Variants in CASKIN1 observed in about 807,000 individuals in gnomAD.
CASKIN1 encodes CASK interacting protein 1.
In CASKIN1, 42 loss-of-function variants were observed where a neutral mutation model predicts 117.5. The ratio of observed to expected loss-of-function variants is 0.36; its 90% CI spans 0.28 to 0.46. The LOEUF (loss-of-function observed/expected upper bound fraction) is 0.46, where lower values mean the gene tolerates loss of function less well. Ranked by LOEUF, CASKIN1 falls within the 20% of genes least tolerant of loss-of-function variation. The pLI is 1.00. For missense variants in CASKIN1, 2,083 were observed against 2,077.3 expected (o/e 1.00, Z -0.05); for synonymous variants, 1,148 against 961.7 (o/e 1.19, Z -3.59).
At position 2,186,800 on chromosome 16, in the gene CASKIN1, G is replaced by A. The variant is rs931554454; in HGVS notation, c.955C>T (p.Arg319Trp). The A allele has an allele frequency of 6.2e-7, 1 of 1,612,866 alleles. No individual in the cohort carries two copies. Among genetic ancestry groups the A allele is most frequent in the African/African-American group, 1.3e-5 (1 of 74,928 alleles). Reference protein sequence around the residue: ...ITVLEQHPDGRWKGCIHDNRT... With the variant: ...ITVLEQHPDGWWKGCIHDNRT... ...TTGTCATGGATGCAGCCCTTCCACC[G>A]GCCATCCGGATGCTGCTCGAGGACC... The change falls in exon 10 of 20, where the codon CGG (arginine) becomes TGG (tryptophan). Residue 319 changes from arginine to tryptophan, a missense_variant. Transcript: ENST00000343516.
Position 2,183,891 on chromosome 16 carries a change from G to A in CASKIN1, c.1467C>T (p.Tyr489=), listed in dbSNP as rs200768705. The part of the protein sequence containing the change: ...QWLTAFQLQL[Y]APNFISAGYD... ...AGCCGGCGCTGATGAAGTTGGGGGC[G>A]TAGAGCTGCAGCTGGAACGCGGTGA... The change falls in exon 15 of 20, where the codon TAC becomes TAT. Residue 489 remains tyrosine (Y), a synonymous_variant. Coordinates refer to ENST00000343516, the MANE Select transcript of CASKIN1 (RefSeq NM_020764.4). 81 of 1,611,780 alleles carry A rather than the reference G, an allele frequency of 5.0e-5. No homozygotes were observed. Among genetic ancestry groups the A allele is most frequent in the Middle Eastern group, 3.3e-4 (2 of 6,052 alleles).
intron 1 of CASKIN1, among the ~76,000 whole-genome samples, chr16:2,192,409 T>G (rs1469313042): frequency 6.6e-6 from 1 of 151,912 alleles, no homozygotes; most frequent in Non-Finnish European, 1.5e-5. Flanking sequence ...CAACGGACAG[T>G]GGCTGTGCTA....
Position 2,189,610 on chromosome 16 carries a change from C to G in CASKIN1, c.245-46G>C, listed in dbSNP as rs558745946. ...GGGAGCTGACCCTTGACCCCAAACCCAACCCTGGAGGATAGGGGGGTGCTG... is the reference window on the plus strand; with the variant it reads ...GGGAGCTGACCCTTGACCCCAAACCGAACCCTGGAGGATAGGGGGGTGCTG... On this transcript the variant is annotated intron_variant, in intron 3 of 19. Coordinates refer to ENST00000343516, the MANE Select transcript of CASKIN1 (RefSeq NM_020764.4). The G allele has an allele frequency of 4.4e-5, 68 of 1,550,046 alleles. No individual in the cohort carries two copies. The Admixed American group carries it at 6.1e-4, about 14-fold the overall frequency.
Position 2,187,406 on chromosome 16 carries a change from G to A in CASKIN1, c.673C>T (p.Leu225=), listed in dbSNP as rs1444161699. Residue 225 remains leucine (L), a synonymous_variant, in exon 7 of 20, where the codon CTG becomes TTG. Coordinates refer to ENST00000343516, the MANE Select transcript of CASKIN1 (RefSeq NM_020764.4). ...INRQTKSGTA[L]HEAALCGKTE... is the part of the protein sequence containing the mutation. ...TTTCCGCAGAGCGCAGCCTCGTGCAGGGCCGTGCCGGACTTGGTCTGGCGG... is the reference window on the plus strand; with the variant it reads ...TTTCCGCAGAGCGCAGCCTCGTGCAAGGCCGTGCCGGACTTGGTCTGGCGG... The A allele has an allele frequency of 6.2e-7, 1 of 1,611,188 alleles. No homozygotes were observed. Among genetic ancestry groups the A allele is most frequent in the Non-Finnish European group, 8.5e-7 (1 of 1,179,830 alleles).
chr16:2,190,223 C>T (rs1054276186), intron 2 of CASKIN1, 53 bp from the exon 3 acceptor site: 44 of 1,599,906 alleles, frequency 2.8e-5, no homozygotes, highest in Admixed American at 1.4e-4. Context: ...CCGGCCTTCC[C>T]GGCACCCTGC....
rs575229680 is a variant in CASKIN1 at position 2,184,648 on chromosome 16, G to A, written c.1416+129C>T. On this transcript the variant is annotated intron_variant, in intron 14 of 19. Transcript: ENST00000343516. ...CACACAGACTGACAGACAGAGGAGA[G>A]GGTCTGGCCTGGCAATGCCCCCGAC... 26 of 655,642 alleles carry A rather than the reference G, an allele frequency of 4.0e-5. No individual in the cohort carries two copies. The African/African-American group carries it at 4.6e-4, about 12-fold the overall frequency. 40.6% of individuals were successfully genotyped at this position (655,642 alleles called of 1,614,324 possible). A position where few individuals can be genotyped will look rare whatever the true frequency, so the allele number is the denominator to read the frequency against.
At chr16:2,185,923 G>T (rs559380957) in intron 10 of CASKIN1, among the ~76,000 whole-genome samples, 18 of 152,326 alleles carry the variant, frequency 1.2e-4, no homozygotes, top group Admixed American at 3.9e-4. Flanking sequence ...GCCTGCCTCA[G>T]CGCCTTTGGT....
At chr16:2,183,191 A>G (rs866644892) in intron 16 of CASKIN1, among the ~76,000 whole-genome samples, 1 of 152,218 alleles carries the variant, frequency 6.6e-6, no homozygotes, top group Non-Finnish European at 1.5e-5. Context: ...GCATGTGTGC[A>G]CGCACACAAG....
chr16:2,184,717 C>G, intron 14 of CASKIN1, 60 bp downstream of exon 14: 1 of 1,387,460 alleles, frequency 7.2e-7, no homozygotes, highest in Non-Finnish European at 9.5e-7. Flanking sequence ...CACCCATCAG[C>G]CCATCGGCCT....
rs1436068892 is a variant in CASKIN1 at position 2,185,989 on chromosome 16, TA to T, written c.1049-582del. Among the ~76,000 whole-genome samples, 3 of 152,316 alleles carry T rather than the reference TA, an allele frequency of 2.0e-5. No individual in the cohort carries two copies. The East Asian group carries it at 5.8e-4, about 29-fold the overall frequency. On this transcript the variant is annotated intron_variant, in intron 10 of 19. Coordinates refer to ENST00000343516, the MANE Select transcript of CASKIN1 (RefSeq NM_020764.4). ...ACTTGAGTGCCTTTGTTTTAATCAT[TA>T]TTTTTTTTTGAGACAGGGTCTTGCT...
Position 2,179,935 on chromosome 16 carries a change from A to G in CASKIN1, c.3433T>C (p.Ser1145Pro). 6.2e-7 allele frequency: 1 copy of G among 1,605,962 alleles called. No individual in the cohort carries two copies. The highest frequency in any genetic ancestry group is 8.5e-7 in the Non-Finnish European group (1 of 1,176,922). Residue 1145 changes from serine (S) to proline (P), a missense_variant, in exon 18 of 20, where the codon TCT becomes CCT. Ser to Pro is a moderately conservative substitution (Grantham distance 74). Transcript: ENST00000343516. This position sits in a 1 kb window ranked among gnomAD's most constrained non-coding sequence, Gnocchi z 5.8. ...TTGGGCCTGCGCTTGACCGTGTCAG[A>G]CTCGGTCAGGATGAACTTGACGTTC... ...QENVKFILTE[S>P]DTVKRRPKAK...
intron 19 of CASKIN1, 41 bp downstream of exon 19, chr16:2,178,861 G>T (rs1193301898): frequency 1.1e-5 from 15 of 1,318,996 alleles, no homozygotes; most frequent in Non-Finnish European, 1.4e-5. Context: ...CATCTCTGCC[G>T]AGCCCCGCCC....
At position 2,180,556 on chromosome 16, in the gene CASKIN1, C is replaced by A. The variant is rs1190303769; in HGVS notation, c.2812G>T (p.Val938Leu). ...GGGGGCCCCTTCTTTCGGGGCCGCA[C>A]GGCAAAGGACTGGCTGCGGTTGACG... ...KNVNRSQSFA[V>L]RPRKKGPPPP... The change falls in exon 18 of 20, where the codon GTG becomes TTG. Residue 938 changes from valine to leucine, a missense_variant. Physicochemically the swap from Val to Leu is conservative, Grantham distance 32 (BLOSUM62 1). This residue lies in a region of CASKIN1 where 1,818 missense variants were observed against 1,688.9 expected (regional missense o/e 1.08). Transcript: ENST00000343516. 3 of 1,553,232 alleles carry A rather than the reference C, an allele frequency of 1.9e-6. No individual in the cohort carries two copies. In the African/African-American group the frequency reaches 4.1e-5, roughly 21 times the overall value.
chr16:2,184,515 G>A lies in CASKIN1; in HGVS notation c.1416+262C>T, dbSNP rs185618825. On this transcript the variant is annotated intron_variant, in intron 14 of 19. Coordinates refer to ENST00000343516, the MANE Select transcript of CASKIN1 (RefSeq NM_020764.4). ...GTACACAGACACGCGTGCCCAGCTC[G>A]CAGTCCCACCATCACACACACACAC... Among the ~76,000 whole-genome samples the A allele has an allele frequency of 1.1e-4, 17 of 152,194 alleles. No individual in the cohort carries two copies. In the East Asian group the frequency reaches 1.9e-3, roughly 17 times the overall value.
chr16:2,184,793 G>A lies in CASKIN1; in HGVS notation c.1400C>T (p.Pro467Leu). The A allele has an allele frequency of 6.5e-7, 1 of 1,527,428 alleles. No individual in the cohort carries two copies. Among genetic ancestry groups the A allele is most frequent in the Non-Finnish European group, 8.8e-7 (1 of 1,137,634 alleles). 94.6% of individuals were successfully genotyped at this position (1,527,428 alleles called of 1,614,324 possible). A position where few individuals can be genotyped will look rare whatever the true frequency, so the allele number is the denominator to read the frequency against. Residue 467 changes from proline to leucine, a missense_variant, in exon 14 of 20, where the codon CCA becomes CTA. By Grantham distance (98) the Pro-to-Leu change is moderately conservative (BLOSUM62 -3). This residue lies in a region of CASKIN1 where 1,818 missense variants were observed against 1,688.9 expected (regional missense o/e 1.08). Transcript: ENST00000343516. Reference sequence around the variant, plus strand: ...GCCCTGTACCTTGCCCTCCGATGCTGGCTCCAGCTTCTTGGGCGGCTGCTC... The same window carrying A: ...GCCCTGTACCTTGCCCTCCGATGCTAGCTCCAGCTTCTTGGGCGGCTGCTC... ...YGEQPPKKLE[P>L]ASEGKSSEAV...
At chr16:2,187,518 AC>A (rs765189080) in intron 6 of CASKIN1, 57 bp from the exon 7 acceptor site, 129 of 1,435,102 alleles carry the variant, frequency 9.0e-5, no homozygotes, top group Non-Finnish European at 1.2e-4. Context: ...CGGCCCCAGC[AC>A]CCCCAAGCCA....
Position 2,183,959 on chromosome 16 carries a change from C to A in CASKIN1, c.1417-18G>T. The A allele has an allele frequency of 6.5e-7, 1 of 1,550,284 alleles. No homozygotes were observed. Among genetic ancestry groups the A allele is most frequent in the Non-Finnish European group, 8.8e-7 (1 of 1,141,438 alleles). On this transcript the variant is annotated intron_variant, in intron 14 of 19. Coordinates refer to ENST00000343516, the MANE Select transcript of CASKIN1 (RefSeq NM_020764.4). ...TCAGAGCTCTGGAAGACACAAGGCA[C>A]CCACTGCAGGCTCGCCTGCCCGGCC...
At chr16:2,187,976 C>T (rs1370221434) in intron 6 of CASKIN1, among the ~76,000 whole-genome samples, 3 of 146,372 alleles carry the variant, frequency 2.0e-5, no homozygotes, top group Non-Finnish European at 3.0e-5. Context: ...CTCAAACTCC[C>T]GGCCTCAAGC....
Position 2,182,474 on chromosome 16 carries a change from C to T in CASKIN1, c.1630-545G>A, listed in dbSNP as rs543881004. On this transcript the variant is annotated intron_variant, in intron 16 of 19. Coordinates refer to ENST00000343516, the MANE Select transcript of CASKIN1 (RefSeq NM_020764.4). This position sits in a 1 kb window ranked among gnomAD's most constrained non-coding sequence, Gnocchi z 4.1. ...GAGAAACACCCGATCACTCCCCGAG[C>T]GGCATTCAGGCGTCCACACTTCCAG... is the stretch of plus-strand genomic sequence containing the variant. Among the ~76,000 whole-genome samples the T allele has an allele frequency of 1.5e-4, 23 of 152,148 alleles. No homozygotes were observed. The South Asian group carries it at 2.5e-3, about 17-fold the overall frequency.
Sources: allele counts gnomAD v4.1 joint callset (sites outside exome capture counted in the v4.1 genomes callset), GRCh38; gene constraint gnomAD v4.1.1; regional missense constraint gnomAD v4.1.1; non-coding constraint Gnocchi (gnomAD v3.1); transcripts MANE v1.5; gene names NCBI Gene and HGNC (gene_info 2026-07-23, HGNC 2026-07-21).